The following ARFGEF1 variants were observed in gnomAD, a reference collection of about 807,000 sequenced individuals.
The protein encoded by ARFGEF1 is brefeldin A-inhibited guanine nucleotide-exchange protein 1.
A neutral mutation model predicts 231.0 loss-of-function variants in ARFGEF1; 42 were observed. That is an observed-to-expected ratio of 0.18 (90% CI 0.14 to 0.24). The LOEUF is 0.24. ARFGEF1 is among the 10% of genes least tolerant of loss of function. ARFGEF1 has a pLI of 1.00. For synonymous variants in ARFGEF1, 710 were observed against 732.3 expected, an observed-to-expected ratio of 0.97 and a Z score of 0.49; for missense variants, 1,345 against 2,192.0, an observed-to-expected ratio of 0.61 and a Z score of 7.72.
intron 37 of ARFGEF1, among the ~76,000 whole-genome samples, chr8:67,201,058 CTGAGTTTACACGTTAGT>C (rs1838308008): frequency 6.6e-6 from 1 of 152,220 alleles, no homozygotes; most frequent in Non-Finnish European, 1.5e-5. Context: ...CATTCTTAGC[CTGAGTTTACACGTTAGT>C]TGGCTTAAAG....
Position 67,343,304 on chromosome 8 carries a change from G to A in ARFGEF1, c.-17C>T, listed in dbSNP as rs370482883. 1.2e-6 allele frequency: 2 copies of A among 1,611,450 alleles called. No individual in the cohort carries two copies. The highest frequency in any genetic ancestry group is 1.7e-6 in the Non-Finnish European group (2 of 1,178,184). ...CTCATACATGGACGCAGAGAAGGAG[G>A]CGGCGGCTCGTCCGACCCGCGGCTC... is the stretch of plus-strand genomic sequence containing the variant. On this transcript the variant is annotated 5_prime_UTR_variant, in exon 1 of 39. Coordinates refer to ENST00000262215, the MANE Select transcript of ARFGEF1 (RefSeq NM_006421.5).
At chr8:67,261,818 T>A (rs1804633462) in intron 14 of ARFGEF1, among the ~76,000 whole-genome samples, 1 of 150,634 alleles carries the variant, frequency 6.6e-6, no homozygotes, top group Non-Finnish European at 1.5e-5. Context: ...GAAGTAACTC[T>A]GAATTTCAAG....
chr8:67,269,593 C>T (rs946794339), intron 10 of ARFGEF1, among the ~76,000 whole-genome samples: 8 of 151,896 alleles, frequency 5.3e-5, no homozygotes, highest in Admixed American at 1.3e-4. Flanking sequence ...TCAGGTGATC[C>T]ACCCGCCTCG....
chr8:67,325,908 C>T (rs540266859), intron 1 of ARFGEF1, among the ~76,000 whole-genome samples: 7 of 152,236 alleles, frequency 4.6e-5, no homozygotes, highest in South Asian at 4.2e-4. Context: ...AAAGGCTGGG[C>T]GCAGTGGCTC....
At chr8:67,311,254 C>T (rs1169641228) in intron 1 of ARFGEF1, among the ~76,000 whole-genome samples, 57 of 135,194 alleles carry the variant, frequency 4.2e-4, no homozygotes, top group African/African-American at 1.0e-3. Flanking sequence ...GTCAGCCCCC[C>T]GCCCGGCCAG....
chr8:67,202,043 A>G (rs1052031708), intron 36 of ARFGEF1, among the ~76,000 whole-genome samples: 12 of 152,178 alleles, frequency 7.9e-5, no homozygotes, highest in African/African-American at 2.9e-4. Context: ...AAACTTGGGT[A>G]GAAAAAAAGG....
intron 1 of ARFGEF1, among the ~76,000 whole-genome samples, chr8:67,310,936 C>T (rs2128921535): frequency 6.6e-6 from 1 of 150,566 alleles, no homozygotes; most frequent in Admixed American, 6.6e-5. Flanking sequence ...AGCCTCTCCG[C>T]CCGGCAGCCA....
intron 14 of ARFGEF1, 129 bp from the exon 15 acceptor site, chr8:67,260,055 G>C (rs925071053): frequency 1.1e-4 from 51 of 453,620 alleles, no homozygotes; most frequent in African/African-American, 1.0e-3. Context: ...ATCAGTACAT[G>C]AATGTACAAA....
Position 67,197,939 on chromosome 8 carries a change from A to AT in ARFGEF1, c.*994dup. 1.0e-6 allele frequency: 1 copy of AT among 985,866 alleles called. No homozygotes were observed. Among genetic ancestry groups the AT allele is most frequent in the Non-Finnish European group, 1.2e-6 (1 of 829,918 alleles). The allele number at this position is 985,866 out of a possible 1,614,324, so 61.1% of individuals were successfully genotyped here. On this transcript the variant is annotated 3_prime_UTR_variant, in exon 39 of 39. Transcript: ENST00000262215. ...CTCCGCAAACCATGCCAGATTTGTT[A>AT]TTTTAATATATTCAACGTTAAATTC...
intron 1 of ARFGEF1, among the ~76,000 whole-genome samples, chr8:67,305,500 AC>A (rs1806698348): frequency 6.6e-6 from 1 of 152,136 alleles, no homozygotes; most frequent in Non-Finnish European, 1.5e-5. Context: ...GGCATGCGCC[AC>A]CACACCTAGT....
intron 1 of ARFGEF1, among the ~76,000 whole-genome samples, chr8:67,307,571 A>T (rs1386485624): frequency 1.3e-5 from 2 of 152,220 alleles, no homozygotes; most frequent in Non-Finnish European, 2.9e-5. Flanking sequence ...ACTTAGCCAC[A>T]ATGCCATTTT....
intron 5 of ARFGEF1, chr8:67,179,755 C>T: frequency 1.4e-6 from 1 of 722,132 alleles, no homozygotes; most frequent in East Asian, 2.5e-5. Flanking sequence ...TACCCATCCT[C>T]TGCTTTTAGG....
intron 1 of ARFGEF1, among the ~76,000 whole-genome samples, chr8:67,306,783 C>T (rs1260303714): frequency 6.6e-6 from 1 of 152,080 alleles, no homozygotes; most frequent in Non-Finnish European, 1.5e-5. Flanking sequence ...GTTTGTTTTG[C>T]TTTCCTTTTT....
chr8:67,283,758 T>TAGCC (rs34382979), intron 7 of ARFGEF1, among the ~76,000 whole-genome samples: 1 of 151,660 alleles, frequency 6.6e-6, no homozygotes, highest in Admixed American at 6.6e-5. Flanking sequence ...ATTTCACTCA[T>TAGCC]AGAGAAATGC....
At chr8:67,287,199 G>T (rs115284361) in intron 7 of ARFGEF1, among the ~76,000 whole-genome samples, 29 of 152,312 alleles carry the variant, frequency 1.9e-4, no homozygotes, top group African/African-American at 7.0e-4. Flanking sequence ...ACTGTACAAA[G>T]AGTGTAATTT....
intron 18 of ARFGEF1, among the ~76,000 whole-genome samples, chr8:67,251,953 G>T (rs1840297970): frequency 6.6e-6 from 1 of 152,108 alleles, no homozygotes; most frequent in Non-Finnish European, 1.5e-5. Context: ...TGGAATGGGA[G>T]AAGAGCAGAA....
At chr8:67,338,350 G>C (rs1808444877) in intron 1 of ARFGEF1, among the ~76,000 whole-genome samples, 1 of 151,998 alleles carries the variant, frequency 6.6e-6, no homozygotes, top group Admixed American at 6.6e-5. Flanking sequence ...TCTTTCCCCA[G>C]TGTCCCAAAG....
chr8:67,221,376 T>C (rs1175928000), intron 29 of ARFGEF1, among the ~76,000 whole-genome samples: 1 of 152,082 alleles, frequency 6.6e-6, no homozygotes, highest in Non-Finnish European at 1.5e-5. Context: ...TGGCGTAAGA[T>C]GTGGGGATGG....
downstream of ARFGEF1, chr8:67,174,995 T>C: frequency 3.1e-6 from 1 of 324,218 alleles, no homozygotes; most frequent in Non-Finnish European, 5.8e-6. Flanking sequence ...TAGTCTGTGT[T>C]CTGGGTGGCA....
Sources: gnomAD v4.1 joint callset for allele counts (sites outside exome capture counted in the v4.1 genomes callset) on GRCh38, gnomAD v4.1.1 for gene constraint, MANE v1.5 for transcripts, NCBI Gene and HGNC (gene_info 2026-07-23, HGNC 2026-07-21) for gene names.